NOS1AP: variants seen among roughly 807,000 people sequenced by gnomAD.
The protein encoded by NOS1AP is carboxyl-terminal PDZ ligand of neuronal nitric oxide synthase protein.
NOS1AP carries 21 observed loss-of-function variants against 56.2 expected under a neutral mutation model. The ratio of observed to expected loss-of-function variants is 0.37; its 90% CI spans 0.26 to 0.54. NOS1AP has a LOEUF of 0.54. Ranked by LOEUF, NOS1AP falls within the 20% of genes least tolerant of loss-of-function variation. NOS1AP has a pLI of 0.84. For synonymous variants in NOS1AP, 270 were observed against 274.6 expected (o/e 0.98, Z 0.17); for missense variants, 522 against 657.8 (o/e 0.79, Z 2.26).
intron 6 of NOS1AP, among the ~76,000 whole-genome samples, chr1:162,352,337 G>A (rs1478538971): frequency 6.6e-6 from 1 of 151,810 alleles, no homozygotes; most frequent in Non-Finnish European, 1.5e-5. Context: ...GGAATTATAG[G>A]CGTGAGCCAC....
Position 162,364,836 on chromosome 1 carries a change from A to G in NOS1AP, c.940-568A>G. On this transcript the variant is annotated intron_variant, in intron 8 of 9. Coordinates refer to ENST00000361897, the MANE Select transcript of NOS1AP (RefSeq NM_014697.3). Reference sequence around the variant, plus strand: ...AGCTGCCTCACTAATTTAAAAAGCCATGTGTAGTGCTTCCTATTTCTCACT... The same window carrying G: ...AGCTGCCTCACTAATTTAAAAAGCCGTGTGTAGTGCTTCCTATTTCTCACT... The G allele has an allele frequency of 3.0e-6, 3 of 989,806 alleles. No homozygotes were observed. The South Asian group carries it at 1.4e-4, about 46-fold the overall frequency. 61.3% of individuals were successfully genotyped at this position (989,806 alleles called of 1,614,324 possible). A position where few individuals can be genotyped will look rare whatever the true frequency, so the allele number is the denominator to read the frequency against.
intron 3 of NOS1AP, among the ~76,000 whole-genome samples, chr1:162,292,221 T>G (rs1040825922): frequency 1.1e-4 from 16 of 152,256 alleles, no homozygotes; most frequent in African/African-American, 3.9e-4. Flanking sequence ...ACAGGTTTTA[T>G]AAGATTGCAT....
At chr1:162,313,029 G>T (rs1349672663) in intron 4 of NOS1AP, among the ~76,000 whole-genome samples, 57 of 152,142 alleles carry the variant, frequency 3.7e-4, no homozygotes, top group Non-Finnish European at 1.5e-4. Context: ...ATATCATACT[G>T]AATGGGCAAA....
chr1:162,220,769 C>T (rs569674972), intron 2 of NOS1AP, among the ~76,000 whole-genome samples: 2 of 152,280 alleles, frequency 1.3e-5, no homozygotes, highest in African/African-American at 2.4e-5. Context: ...ATTTCACGCA[C>T]CAGCTTTTGT....
chr1:162,342,365 A>G (rs1314320421), intron 5 of NOS1AP, among the ~76,000 whole-genome samples: 1 of 152,204 alleles, frequency 6.6e-6, no homozygotes. Flanking sequence ...TGACATGTAG[A>G]TGATAATTAG....
At chr1:162,156,489 G>A (rs1649980573) in intron 2 of NOS1AP, among the ~76,000 whole-genome samples, 2 of 152,130 alleles carry the variant, frequency 1.3e-5, no homozygotes, top group Admixed American at 1.3e-4. Flanking sequence ...GGGAACATCT[G>A]GAGGTGTTAC....
intron 2 of NOS1AP, among the ~76,000 whole-genome samples, chr1:162,197,405 A>G (rs1651844643): frequency 6.6e-6 from 1 of 152,196 alleles, no homozygotes; most frequent in Non-Finnish European, 1.5e-5. Context: ...CCAGGATTAT[A>G]GAACAGAGGT....
intron 2 of NOS1AP, among the ~76,000 whole-genome samples, chr1:162,258,708 A>G (rs1362438113): frequency 6.6e-6 from 1 of 152,178 alleles, no homozygotes; most frequent in African/African-American, 2.4e-5. Flanking sequence ...ATTTGGTGTC[A>G]TCTTTATTTC....
chr1:162,367,732 T>G lies in NOS1AP; in HGVS notation c.*265T>G. On this transcript the variant is annotated 3_prime_UTR_variant, in exon 10 of 10. Transcript: ENST00000361897. The surrounding 1 kb of genome is among the most constrained non-coding windows in gnomAD (Gnocchi z 6.5). The stretch of plus-strand genomic sequence containing the variant: ...GTAAGGCCTTCCAGAGCCCATGGCT[T>G]CAGGAGAGGGTCTCTCTCCAGGACT... 4.1e-6 allele frequency: 2 copies of G among 490,854 alleles called. No homozygotes were observed. The highest frequency in any genetic ancestry group is 3.7e-6 in the Non-Finnish European group (1 of 272,164). 30.4% of individuals were successfully genotyped at this position (490,854 alleles called of 1,614,324 possible).
At chr1:162,183,266 G>A (rs1405470214) in intron 2 of NOS1AP, among the ~76,000 whole-genome samples, 2 of 152,178 alleles carry the variant, frequency 1.3e-5, no homozygotes, top group African/African-American at 4.8e-5. Flanking sequence ...GGTTTCAACA[G>A]GGGGCTTAAA....
intron 2 of NOS1AP, among the ~76,000 whole-genome samples, chr1:162,175,175 C>T (rs1325054024): frequency 6.6e-6 from 1 of 150,800 alleles, no homozygotes; most frequent in Non-Finnish European, 1.5e-5. Flanking sequence ...AGTCGTTATG[C>T]ATGGTCTGCA....
At chr1:162,180,173 C>T (rs534216305) in intron 2 of NOS1AP, among the ~76,000 whole-genome samples, 28 of 152,182 alleles carry the variant, frequency 1.8e-4, no homozygotes, top group Non-Finnish European at 2.9e-4. Context: ...CAAATGCACC[C>T]GGTGACCTCC....
Position 162,217,639 on chromosome 1 carries a change from G to A in NOS1AP, c.177+63163G>A, listed in dbSNP as rs143089038. The stretch of plus-strand genomic sequence containing the variant: ...TGTCCCAATTATCATGGGTGCCAGC[G>A]AGGCAGAGTGAGAGTGTGGCTGGCT... On this transcript the variant is annotated intron_variant, in intron 2 of 9. Coordinates refer to ENST00000361897, the MANE Select transcript of NOS1AP (RefSeq NM_014697.3). 3.3e-3 allele frequency among the ~76,000 whole-genome samples: 498 copies of A among 152,248 alleles called. 5 individuals are homozygous for A. The highest frequency in any genetic ancestry group is 0.011 in the African/African-American group (460 of 41,546).
At chr1:162,102,124 A>G (rs899335550) in intron 1 of NOS1AP, among the ~76,000 whole-genome samples, 12 of 152,046 alleles carry the variant, frequency 7.9e-5, no homozygotes, top group Non-Finnish European at 1.6e-4. Flanking sequence ...TTCCAGCTAT[A>G]CCCTGTTTAT....
intron 2 of NOS1AP, among the ~76,000 whole-genome samples, chr1:162,203,818 C>T (rs1652071011): frequency 6.6e-6 from 1 of 152,134 alleles, no homozygotes; most frequent in Non-Finnish European, 1.5e-5. Flanking sequence ...CAGCAGGGCC[C>T]CAGAGGATTT....
chr1:162,118,244 G>T (rs80349199), intron 1 of NOS1AP, among the ~76,000 whole-genome samples: 2 of 152,014 alleles, frequency 1.3e-5, no homozygotes, highest in African/African-American at 4.8e-5. Context: ...TTCAGCCCAC[G>T]TCTCCCTTCC....
At chr1:162,276,650 G>T (rs1322233702) in intron 2 of NOS1AP, among the ~76,000 whole-genome samples, 1 of 152,134 alleles carries the variant, frequency 6.6e-6, no homozygotes, top group East Asian at 1.9e-4. Context: ...TACAGCCCAG[G>T]CTGGGAACCA....
At chr1:162,182,004 G>A (rs1651280290) in intron 2 of NOS1AP, among the ~76,000 whole-genome samples, 1 of 152,166 alleles carries the variant, frequency 6.6e-6, no homozygotes, top group Non-Finnish European at 1.5e-5. Context: ...ATTTTTCACA[G>A]TGCTTCTATT....
At chr1:162,290,021 A>G (rs1009582400) in intron 3 of NOS1AP, among the ~76,000 whole-genome samples, 1 of 152,162 alleles carries the variant, frequency 6.6e-6, no homozygotes, top group Admixed American at 6.5e-5. Context: ...GTGCTGAGGT[A>G]TCACCTGGAG....
Sources: allele counts gnomAD v4.1 joint callset (sites outside exome capture counted in the v4.1 genomes callset), GRCh38; gene constraint gnomAD v4.1.1; non-coding constraint Gnocchi (gnomAD v3.1); transcripts MANE v1.5; gene names NCBI Gene and HGNC (gene_info 2026-07-23, HGNC 2026-07-21).